The following OAS3 variants were observed in gnomAD, a reference collection of about 807,000 sequenced individuals.
OAS3 encodes the protein 2'-5'-oligoadenylate synthetase 3, also known as 2'-5'-oligoadenylate synthase 3.
OAS3 carries 107 observed loss-of-function variants against 113.0 expected under a neutral mutation model. The observed-to-expected ratio is 0.95, with a 90% CI of 0.81 to 1.11. OAS3 has a LOEUF of 1.11. OAS3 is among the 50% of genes most tolerant of loss of function. The pLI is 0.00. For synonymous variants in OAS3, 552 were observed against 573.6 expected (o/e 0.96, Z 0.54); for missense variants, 1,258 against 1,389.1 (o/e 0.91, Z 1.50).
Position 112,948,912 on chromosome 12 carries a change from C to A in OAS3, c.1081C>A (p.Pro361Thr). The A allele has an allele frequency of 6.2e-7, 1 of 1,606,874 alleles. No homozygotes were observed. Among genetic ancestry groups the A allele is most frequent in the Non-Finnish European group, 8.5e-7 (1 of 1,176,716 alleles). Residue 361 changes from proline to threonine, a missense_variant, in exon 6 of 16, where the codon CCT becomes ACT. By Grantham distance (38) the Pro-to-Thr change is conservative. Transcript: ENST00000228928. ...SGLGHPIQLD[P>T]NQKTPENSKS... is the part of the protein sequence containing the mutation. ...TTTGGGCCACCCCATCCAGCTAGAC[C>A]CTAACCAGAAGACCCCTGAAAACAG...
intron 2 of OAS3, 31 bp from the exon 3 acceptor site, chr12:112,944,445 C>T (rs1270362471): frequency 1.2e-6 from 2 of 1,613,264 alleles, no homozygotes; most frequent in Non-Finnish European, 8.5e-7. Context: ...CCTCAGTGCC[C>T]TCCCTAACTC....
chr12:112,948,138 T>G (rs768580351), intron 5 of OAS3, 39 bp downstream of exon 5: 10 of 1,393,100 alleles, frequency 7.2e-6, no homozygotes, highest in Admixed American at 2.6e-5. Context: ...GTTTTGCACT[T>G]TGTTTATGTG....
intron 5 of OAS3, 71 bp downstream of exon 5, chr12:112,948,170 A>G: frequency 7.1e-7 from 1 of 1,408,316 alleles, no homozygotes; most frequent in Non-Finnish European, 9.4e-7. Flanking sequence ...CTGAGCATCT[A>G]CTATGTGCCA....
chr12:112,944,378 A>ACT, intron 2 of OAS3, 98 bp from the exon 3 acceptor site: 1 of 1,313,810 alleles, frequency 7.6e-7, no homozygotes, highest in Non-Finnish European at 1.1e-6. Context: ...AATTCTTCCC[A>ACT]CTCTCTCTCA....
At chr12:112,969,832 C>T in intron 15 of OAS3, 77 bp downstream of exon 15, 1 of 1,594,778 alleles carries the variant, frequency 6.3e-7, no homozygotes, top group Non-Finnish European at 8.6e-7. Context: ...GACATGATTC[C>T]CACTAAAGGG....
intron 3 of OAS3, 41 bp from the exon 4 acceptor site, chr12:112,946,702 C>T (rs1361334852): frequency 5.2e-6 from 8 of 1,533,416 alleles, no homozygotes; most frequent in African/African-American, 1.4e-5. Context: ...CTCTTTCCTC[C>T]CCTTCTTCCT....
chr12:112,964,440 G>GA (rs2043916714), intron 11 of OAS3, 32 bp downstream of exon 11: 8 of 1,595,242 alleles, frequency 5.0e-6, no homozygotes, highest in African/African-American at 1.3e-5. Flanking sequence ...GGCAAGCAGT[G>GA]TCCTGCAAGC....
rs374874172 is a variant in OAS3, at chr12:112,961,249, G to T, written c.1833+3G>T. ...TGGTGAAGCACTGGTACCGCCAGGT[G>T]AGTTGCCCCTGGCTCCTCCCAGGAA... On this transcript the variant is annotated splice_donor_region_variant and intron_variant, in intron 8 of 15. Coordinates refer to ENST00000228928, the MANE Select transcript of OAS3 (RefSeq NM_006187.4). 2 of 1,612,742 alleles carry T rather than the reference G, an allele frequency of 1.2e-6. No homozygotes were observed. The highest frequency in any genetic ancestry group is 2.7e-5 in the African/African-American group (2 of 74,922).
Position 112,944,601 on chromosome 12 carries a change from C to A in OAS3, c.586C>A (p.Pro196Thr). 1 of 1,614,060 alleles carries A rather than the reference C, an allele frequency of 6.2e-7. No individual in the cohort carries two copies. Among genetic ancestry groups the A allele is most frequent in the Non-Finnish European group, 8.5e-7 (1 of 1,179,896 alleles). ...GCGGAGGAACTTTGTGAACATTCGC[C>A]CAGCCAAGTTGAAGAACCTAATCTT... ...ELRRNFVNIR[P>T]AKLKNLILLV... The change falls in exon 3 of 16, where the codon CCA (proline) becomes ACA (threonine). Residue 196 changes from proline (P) to threonine (T), a missense_variant. Transcript: ENST00000228928.
chr12:112,961,329 A>G lies in OAS3; in HGVS notation c.1833+83A>G. On this transcript the variant is annotated intron_variant, in intron 8 of 15. Transcript: ENST00000228928. ...CAATCAGTTCCTCCTCTACACCCAC[A>G]TCTCCCCTCCTTTGCTTCTTATTGG... 8.9e-6 allele frequency: 11 copies of G among 1,241,192 alleles called. No individual in the cohort carries two copies. The South Asian group carries it at 1.4e-4, about 16-fold the overall frequency. 76.9% of individuals were successfully genotyped at this position (1,241,192 alleles called of 1,614,324 possible).
Position 112,949,174 on chromosome 12 carries a change from A to T in OAS3, c.1343A>T (p.Asn448Ile), listed in dbSNP as rs180872747. The T allele has an allele frequency of 6.2e-7, 1 of 1,613,010 alleles. No individual in the cohort carries two copies. Among genetic ancestry groups the T allele is most frequent in the African/African-American group, 1.3e-5 (1 of 75,010 alleles). ...IDIILRCLHE[N>I]CVHKASRVSK... ...ATCATCTTGCGCTGCCTCCATGAGA[A>T]CTGTGTTCACAAGGCCTCAAGAGTC... The change falls in exon 6 of 16, where the codon AAC becomes ATC. Residue 448 changes from asparagine (N) to isoleucine (I), a missense_variant. Transcript: ENST00000228928.
In OAS3 at chr12:112,954,359, C is replaced by T. The variant is rs189754170; in HGVS notation, c.1657+3384C>T. 4.1e-4 allele frequency among the ~76,000 whole-genome samples: 63 copies of T among 152,222 alleles called. No homozygotes were observed. The highest frequency in any genetic ancestry group is 8.3e-4 in the South Asian group (4 of 4,810). ...AGGCTGGAGTGCAGTGACGCGATCT[C>T]GGCTCACTGCAAGCTCCACCTCCCA... On this transcript the variant is annotated intron_variant, in intron 7 of 15. Transcript: ENST00000228928. This position sits in a 1 kb window ranked among gnomAD's most constrained non-coding sequence, Gnocchi z 4.0.
rs780252672 is a variant in OAS3, at chr12:112,944,547, G to T, written c.532G>T (p.Gly178Cys). The change falls in exon 3 of 16, where the codon GGC becomes TGC. Residue 178 changes from glycine (G) to cysteine (C), a missense_variant. By Grantham distance (159) the Gly-to-Cys change is radical (BLOSUM62 -3). Coordinates refer to ENST00000228928, the MANE Select transcript of OAS3 (RefSeq NM_006187.4). Reference sequence around the variant, plus strand: ...CCTCCTCAACAGTGGCTGCCAAGGGGGCGAGCATGCGGCCTGCTTCACAGA... The same window carrying T: ...CCTCCTCAACAGTGGCTGCCAAGGGTGCGAGCATGCGGCCTGCTTCACAGA... ...STLLNSGCQGGEHAACFTELR... is the reference protein window; with the variant it reads ...STLLNSGCQGCEHAACFTELR... The T allele has an allele frequency of 6.2e-7, 1 of 1,613,936 alleles. No homozygotes were observed. Among genetic ancestry groups the T allele is most frequent in the East Asian group, 2.2e-5 (1 of 44,898 alleles).
At chr12:112,964,015 C>T (rs1416801265) in intron 10 of OAS3, among the ~76,000 whole-genome samples, 1 of 152,226 alleles carries the variant, frequency 6.6e-6, no homozygotes, top group East Asian at 1.9e-4. Context: ...TTATTGCACT[C>T]ATTTAAACAT....
Position 112,967,582 on chromosome 12 carries a change from T to A in OAS3, c.2854T>A (p.Trp952Arg), listed in dbSNP as rs1278590123. ...GAGCCTGATCCGGCTGGTGAAGCAC[T>A]GGTACCAGCAGGTTCGGCACATGGA... ...LKSLIRLVKH[W>R]YQQCTKISKG... Residue 952 changes from tryptophan (W) to arginine (R), a missense_variant, in exon 13 of 16, where the codon TGG becomes AGG. Transcript: ENST00000228928. 5 of 1,613,416 alleles carry A rather than the reference T, an allele frequency of 3.1e-6. No individual in the cohort carries two copies. The highest frequency in any genetic ancestry group is 4.2e-6 in the Non-Finnish European group (5 of 1,179,658).
At chr12:112,966,614 G>A (rs1348676258) in intron 12 of OAS3, among the ~76,000 whole-genome samples, 1 of 152,194 alleles carries the variant, frequency 6.6e-6, no homozygotes, top group African/African-American at 2.4e-5. Flanking sequence ...CTGAGTTTGA[G>A]GGAGCAGGTG....
chr12:112,952,255 T>C (rs956652972), intron 7 of OAS3, among the ~76,000 whole-genome samples: 3 of 152,240 alleles, frequency 2.0e-5, no homozygotes, highest in Non-Finnish European at 4.4e-5. Flanking sequence ...GATTGTTCTT[T>C]TATTATTAAG....
At chr12:112,949,511 T>TGACTTACTCCACACTGGCCTC (rs2043769080) in intron 6 of OAS3, among the ~76,000 whole-genome samples, 1 of 152,108 alleles carries the variant, frequency 6.6e-6, no homozygotes, top group Admixed American at 6.5e-5. Context: ...CCTCTGGCCT[T>TGACTTACTCCACACTGGCCTC]GACTTACTCC....
chr12:112,949,235 G>GC, intron 6 of OAS3, 30 bp downstream of exon 6: 1 of 1,585,930 alleles, frequency 6.3e-7, no homozygotes, highest in South Asian at 1.1e-5. Flanking sequence ...ACACAGGGGG[G>GC]ACCCTATCGA....
Sources: gnomAD v4.1 joint callset for allele counts (sites outside exome capture counted in the v4.1 genomes callset) on GRCh38, gnomAD v4.1.1 for gene constraint, Gnocchi (gnomAD v3.1) non-coding constraint, MANE v1.5 for transcripts, NCBI Gene and HGNC (gene_info 2026-07-23, HGNC 2026-07-21) for gene names.